The following TIPRL variants were observed in gnomAD, a reference collection of about 807,000 sequenced individuals.
TIPRL encodes the protein TOR signaling pathway regulator.
In TIPRL, 10 loss-of-function variants were observed where a neutral mutation model predicts 32.3. The observed-to-expected ratio is 0.31, with a 90% CI of 0.19 to 0.52. The LOEUF is 0.52. Among genes scored for constraint, TIPRL ranks in the 20% least tolerant of loss-of-function variants. The pLI, the probability that TIPRL is intolerant of heterozygous loss-of-function variation, is 0.96. For synonymous variants in TIPRL, 100 were observed against 114.0 expected (o/e 0.88, Z 0.78); for missense variants, 250 against 328.1 (o/e 0.76, Z 1.84).
Position 168,199,985 on chromosome 1 carries a change from T to G in TIPRL, c.758T>G (p.Ile253Arg), listed in dbSNP as rs1250770452. 6.2e-7 allele frequency: 1 copy of G among 1,613,524 alleles called. No individual in the cohort carries two copies. Among genetic ancestry groups the G allele is most frequent in the Non-Finnish European group, 8.5e-7 (1 of 1,179,742 alleles). ...PIKEAVCEKL[I>R]FPERIDPNPA... ...AAGGAAGCAGTTTGTGAGAAGCTAA[T>G]ATTTCCAGAAAGAATTGATCCTAAC... is the stretch of plus-strand genomic sequence containing the variant. The change falls in exon 7 of 7, where the codon ATA (isoleucine) becomes AGA (arginine). Residue 253 changes from isoleucine to arginine, a missense_variant. Transcript: ENST00000367833.
chr1:168,189,436 C>T lies in TIPRL; in HGVS notation c.385-1933C>T, dbSNP rs550012405. 3.3e-5 allele frequency among the ~76,000 whole-genome samples: 5 copies of T among 152,244 alleles called. No homozygotes were observed. The East Asian group carries it at 7.7e-4, about 23-fold the overall frequency. On this transcript the variant is annotated intron_variant, in intron 3 of 6. Coordinates refer to ENST00000367833, the MANE Select transcript of TIPRL (RefSeq NM_152902.5). Reference sequence around the variant, plus strand: ...TCTCAGCTCACTGCAACCTCTGCCCCGCGGGTTCAAGCGATTCTCCTGCCT... The same window carrying T: ...TCTCAGCTCACTGCAACCTCTGCCCTGCGGGTTCAAGCGATTCTCCTGCCT...
chr1:168,190,174 T>C (rs1700076987), intron 3 of TIPRL, among the ~76,000 whole-genome samples: 1 of 152,160 alleles, frequency 6.6e-6, no homozygotes, highest in South Asian at 2.1e-4. Flanking sequence ...GGACTGGTTA[T>C]ATGCCCTGCC....
intron 3 of TIPRL, among the ~76,000 whole-genome samples, chr1:168,186,380 C>T (rs1051158996): frequency 4.6e-5 from 7 of 152,048 alleles, no homozygotes; most frequent in Admixed American, 4.6e-4. Flanking sequence ...TCTGTAATCC[C>T]AGCTACTTGG....
At chr1:168,180,544 G>A (rs1057172601) in intron 1 of TIPRL, among the ~76,000 whole-genome samples, 3 of 152,174 alleles carry the variant, frequency 2.0e-5, no homozygotes, top group Admixed American at 1.3e-4. Context: ...GTATCTAGAA[G>A]TCATCCAGAG....
chr1:168,192,114 T>G (rs140922011), intron 4 of TIPRL: 64 of 1,277,706 alleles, frequency 5.0e-5, no homozygotes, highest in Non-Finnish European at 5.8e-5. Flanking sequence ...ATGATGTTGA[T>G]AGGATCTGCA....
chr1:168,199,090 T>TAGGTG, intron 6 of TIPRL, 109 bp downstream of exon 6: 1 of 751,980 alleles, frequency 1.3e-6, no homozygotes, highest in Non-Finnish European at 2.2e-6. Context: ...CTAAACCCAT[T>TAGGTG]CATTCACCTA....
chr1:168,182,276 C>T (rs1448729493), intron 1 of TIPRL, among the ~76,000 whole-genome samples: 1 of 152,044 alleles, frequency 6.6e-6, no homozygotes, highest in Middle Eastern at 3.2e-3. Context: ...CCTGTCTTCT[C>T]TCCTTGTAAC....
chr1:168,196,817 A>C (rs12069495), intron 5 of TIPRL, among the ~76,000 whole-genome samples, 175 bp downstream of exon 5: 4,760 of 152,240 alleles, frequency 0.031, 247 homozygotes, highest in African/African-American at 0.11. Context: ...AAAACATTAC[A>C]TTTCCTTTTA....
At chr1:168,192,808 C>T (rs1700114569) in intron 4 of TIPRL, among the ~76,000 whole-genome samples, 1 of 152,224 alleles carries the variant, frequency 6.6e-6, no homozygotes, top group Non-Finnish European at 1.5e-5. Flanking sequence ...ATGGCGTGAA[C>T]CCGGAAGGCA....
At chr1:168,197,926 G>A (rs1700174938) in intron 5 of TIPRL, among the ~76,000 whole-genome samples, 1 of 151,962 alleles carries the variant, frequency 6.6e-6, no homozygotes. Context: ...TATTAATTGG[G>A]CAATTACTCA....
In TIPRL at chr1:168,199,135, A is replaced by C. The variant is rs147351121; in HGVS notation, c.675+154A>C. Among the ~76,000 whole-genome samples the C allele has an allele frequency of 4.9e-3, 742 of 152,240 alleles. 3 individuals are homozygous for C. The highest frequency in any genetic ancestry group is 6.8e-3 in the Non-Finnish European group (465 of 68,004). On this transcript the variant is annotated intron_variant, in intron 6 of 6. Coordinates refer to ENST00000367833, the MANE Select transcript of TIPRL (RefSeq NM_152902.5). Reference sequence around the variant, plus strand: ...TATAGGATAAATTCTATGGGAGCATAACTTTTCTGACCTTACCTCAAATAC... The same window carrying C: ...TATAGGATAAATTCTATGGGAGCATCACTTTTCTGACCTTACCTCAAATAC...
At chr1:168,192,664 C>T (rs1279584736) in intron 4 of TIPRL, among the ~76,000 whole-genome samples, 2 of 152,172 alleles carry the variant, frequency 1.3e-5, no homozygotes, top group Non-Finnish European at 2.9e-5. Context: ...TTTGGGAGGC[C>T]GAGGCGGGCG....
intron 3 of TIPRL, among the ~76,000 whole-genome samples, chr1:168,185,890 C>T (rs1294505769): frequency 3.3e-5 from 5 of 149,836 alleles, no homozygotes; most frequent in Non-Finnish European, 7.4e-5. Flanking sequence ...GCCTGGTCAA[C>T]ATGGTGAAAC....
chr1:168,184,668 A>C, intron 2 of TIPRL, 111 bp from the exon 3 acceptor site: 1 of 730,124 alleles, frequency 1.4e-6, no homozygotes. Context: ...TAACAAGTGT[A>C]TATATTTAAT....
chr1:168,188,996 A>AAT (rs386368650), intron 3 of TIPRL, among the ~76,000 whole-genome samples: 1 of 151,658 alleles, frequency 6.6e-6, no homozygotes, highest in African/African-American at 2.4e-5. Context: ...AAAAAAAAAA[A>AAT]AGTTCTGAAA....
chr1:168,199,983 A>G lies in TIPRL; in HGVS notation c.756A>G (p.Leu252=). 6.2e-7 allele frequency: 1 copy of G among 1,613,720 alleles called. No homozygotes were observed. Among genetic ancestry groups the G allele is most frequent in the South Asian group, 1.1e-5 (1 of 91,062 alleles). The change falls in exon 7 of 7, where the codon CTA becomes CTG. Residue 252 remains leucine, a synonymous_variant. Transcript: ENST00000367833. ...LPIKEAVCEK[L]IFPERIDPNP... is the part of the protein sequence containing the mutation. ...TAAAGGAAGCAGTTTGTGAGAAGCT[A>G]ATATTTCCAGAAAGAATTGATCCTA... is the stretch of plus-strand genomic sequence containing the variant.
chr1:168,192,036 G>A (rs1414178624), intron 4 of TIPRL, among the ~76,000 whole-genome samples: 2 of 152,034 alleles, frequency 1.3e-5, no homozygotes, highest in Admixed American at 6.6e-5. Flanking sequence ...TGGCCACCTT[G>A]TAGTTTATTT....
At chr1:168,183,492 GC>G (rs1413044464) in intron 1 of TIPRL, among the ~76,000 whole-genome samples, 14 of 150,142 alleles carry the variant, frequency 9.3e-5, no homozygotes, top group African/African-American at 3.4e-4. Context: ...AGGTGCTTTT[GC>G]TTTTTTCATC....
intron 5 of TIPRL, 142 bp downstream of exon 5, chr1:168,196,784 A>G: frequency 2.1e-6 from 1 of 472,084 alleles, no homozygotes; most frequent in Non-Finnish European, 3.6e-6. Context: ...TTTCACATTC[A>G]CTGTTGACTG....
Sources: gnomAD v4.1 joint callset for allele counts (sites outside exome capture counted in the v4.1 genomes callset) on GRCh38, gnomAD v4.1.1 for gene constraint, MANE v1.5 for transcripts, NCBI Gene and HGNC (gene_info 2026-07-23, HGNC 2026-07-21) for gene names.